The following DNMT3L variants were observed in gnomAD, a reference collection of about 807,000 sequenced individuals.
DNMT3L encodes the protein DNA (cytosine-5)-methyltransferase 3-like.
DNMT3L carries 33 observed loss-of-function variants against 36.2 expected under a neutral mutation model. The ratio of observed to expected loss-of-function variants is 0.91; its 90% CI spans 0.69 to 1.22. DNMT3L has a LOEUF of 1.22. Among genes scored for constraint, DNMT3L ranks in the 50% most tolerant of loss-of-function variants. The pLI, the probability that DNMT3L is intolerant of heterozygous loss-of-function variation, is 0.00. For missense variants in DNMT3L, 310 were observed against 303.1 expected, an observed-to-expected ratio of 1.02 and a Z score of -0.17; for synonymous variants, 117 against 121.7, an observed-to-expected ratio of 0.96 and a Z score of 0.26.
rs116924478 is a variant in DNMT3L at position 44,255,662 on chromosome 21, G to A, written c.604+405C>T. ...CTGGAACGGCCCTGGAGGAGGCCCT[G>A]GCTTTCTCAGCCCCTCCTGGGCAGC... On this transcript the variant is annotated intron_variant, in intron 7 of 11. Transcript: ENST00000628202. Among the ~76,000 whole-genome samples, 46 of 152,302 alleles carry A rather than the reference G, an allele frequency of 3.0e-4. 1 individual carries two copies. The East Asian group carries it at 7.7e-3, about 26-fold the overall frequency.
intron 8 of DNMT3L, among the ~76,000 whole-genome samples, chr21:44,253,634 G>A (rs538912530): frequency 2.0e-5 from 3 of 152,080 alleles, no homozygotes; most frequent in Non-Finnish European, 4.4e-5. Context: ...CAGGAGACTC[G>A]CCTGAACCCT....
At chr21:44,257,902 C>T (rs2146357754) in intron 6 of DNMT3L, among the ~76,000 whole-genome samples, 1 of 152,282 alleles carries the variant, frequency 6.6e-6, no homozygotes, top group African/African-American at 2.4e-5. Context: ...GTGGACACCT[C>T]ACTCCAGTCT....
intron 8 of DNMT3L, among the ~76,000 whole-genome samples, chr21:44,253,333 C>T (rs1292936328): frequency 7.6e-6 from 1 of 130,914 alleles, no homozygotes; most frequent in Non-Finnish European, 1.6e-5. Context: ...TGAACACATG[C>T]CCTTCAGTCA....
At chr21:44,257,056 G>C (rs2040265119) in intron 6 of DNMT3L, among the ~76,000 whole-genome samples, 1 of 152,176 alleles carries the variant, frequency 6.6e-6, no homozygotes, top group South Asian at 2.1e-4. Context: ...CCTTCTGTAG[G>C]AGCTTCCCGT....
At chr21:44,260,634 T>C (rs1029131440) in intron 3 of DNMT3L, among the ~76,000 whole-genome samples, 161 bp downstream of exon 3, 28 of 152,134 alleles carry the variant, frequency 1.8e-4, no homozygotes, top group African/African-American at 6.8e-4. Context: ...TATTTTTATT[T>C]TTTTGTAGAG....
chr21:44,261,145 A>G lies in DNMT3L; in HGVS notation c.106+9T>C. On this transcript the variant is annotated intron_variant, in intron 2 of 11. Coordinates refer to ENST00000628202, the MANE Select transcript of DNMT3L (RefSeq NM_175867.3). ...AAGTGACTGGTCCAATAAGCAGATG[A>G]GCCCTCACCTCTGCCTGTCCCGGGT... The G allele has an allele frequency of 4.3e-6, 7 of 1,611,896 alleles. No individual in the cohort carries two copies. Among genetic ancestry groups the G allele is most frequent in the Non-Finnish European group, 5.9e-6 (7 of 1,179,226 alleles).
intron 5 of DNMT3L, 26 bp downstream of exon 5, chr21:44,259,411 C>A (rs368079595): frequency 5.6e-6 from 9 of 1,610,884 alleles, no homozygotes; most frequent in African/African-American, 1.3e-5. Context: ...GCCCCTTCAC[C>A]CCCCTGGGCA....
At chr21:44,255,067 T>A (rs56354854) in intron 7 of DNMT3L, among the ~76,000 whole-genome samples, 112,644 of 151,750 alleles carry the variant, frequency 0.74, 42,919 homozygotes, top group African/African-American at 0.93. Flanking sequence ...ACCTCAAATG[T>A]TCCGCCCACT....
chr21:44,256,518 G>C (rs750092798), intron 6 of DNMT3L, among the ~76,000 whole-genome samples: 1 of 147,382 alleles, frequency 6.8e-6, no homozygotes, highest in East Asian at 2.1e-4. Flanking sequence ...TCCGCCTCCC[G>C]GGTTCAAGCG....
At chr21:44,256,011 A>G in intron 7 of DNMT3L, 56 bp downstream of exon 7, 1 of 1,582,424 alleles carries the variant, frequency 6.3e-7, no homozygotes, top group Non-Finnish European at 8.7e-7. Context: ...CCTGAGGGGC[A>G]GTCAGGTGTT....
chr21:44,256,853 G>A (rs1422458528), intron 6 of DNMT3L, among the ~76,000 whole-genome samples: 1 of 152,230 alleles, frequency 6.6e-6, no homozygotes, highest in African/African-American at 2.4e-5. Flanking sequence ...GGCTTTCAGA[G>A]TGCTAGGCTC....
At position 44,261,218 on chromosome 21, in the gene DNMT3L, G is replaced by T. The variant is rs757536808; in HGVS notation, c.42C>A (p.Ser14Arg). 1 of 1,612,706 alleles carries T rather than the reference G, an allele frequency of 6.2e-7. No homozygotes were observed. Among genetic ancestry groups the T allele is most frequent in the South Asian group, 1.1e-5 (1 of 91,084 alleles). ...TGGATCCCACCAAAATCACGTCCAT[G>T]CTGGGCTCGGCCTCTGGGTCCAGGG... ...IPALDPEAEPSMDVILVGSSE... is the reference protein window; with the variant it reads ...IPALDPEAEPRMDVILVGSSE... Residue 14 changes from serine (S) to arginine (R), a missense_variant, in exon 2 of 12, where the codon AGC (serine) becomes AGA (arginine). Coordinates refer to ENST00000628202, the MANE Select transcript of DNMT3L (RefSeq NM_175867.3).
At chr21:44,260,931 C>G in intron 2 of DNMT3L, 92 bp from the exon 3 acceptor site, 1 of 1,594,866 alleles carries the variant, frequency 6.3e-7, no homozygotes, top group Non-Finnish European at 8.6e-7. Flanking sequence ...ATTCGTTTTC[C>G]AAAGTCACAG....
chr21:44,259,014 C>G (rs1057480898), intron 5 of DNMT3L, among the ~76,000 whole-genome samples: 11 of 152,106 alleles, frequency 7.2e-5, no homozygotes, highest in Non-Finnish European at 1.0e-4. Context: ...CCAAATGTAG[C>G]AACAGCAGCT....
chr21:44,257,644 G>A lies in DNMT3L; in HGVS notation c.516+879C>T, dbSNP rs1311729380. ...TGCAGTGAGCCGAGATCCCGCCACT[G>A]CACTCCAGCCTGGGCGACAGAGCGA... On this transcript the variant is annotated intron_variant, in intron 6 of 11. Transcript: ENST00000628202. 5.5e-5 allele frequency among the ~76,000 whole-genome samples: 8 copies of A among 144,358 alleles called. No individual in the cohort carries two copies. The East Asian group carries it at 1.6e-3, about 29-fold the overall frequency. The allele number at this position is 144,358 out of a possible 152,430, so 94.7% of individuals were successfully genotyped here. A position where few individuals can be genotyped will look rare whatever the true frequency, so the allele number is the denominator to read the frequency against.
At chr21:44,261,338 C>T (rs2040317242) in intron 1 of DNMT3L, 72 bp from the exon 2 acceptor site, 8 of 1,431,464 alleles carry the variant, frequency 5.6e-6, no homozygotes, top group Non-Finnish European at 7.7e-6. Flanking sequence ...TGCACCCCAG[C>T]ACGGGAAGCA....
intron 8 of DNMT3L, among the ~76,000 whole-genome samples, chr21:44,253,270 ATTCCATGGCCGAGCT>A (rs1237815376): frequency 2.0e-5 from 2 of 99,806 alleles, no homozygotes; most frequent in Non-Finnish European, 4.0e-5. Context: ...CCCACAGGCT[ATTCCATGGCCGAGCT>A]GGAAGAAGAC....
intron 1 of DNMT3L, among the ~76,000 whole-genome samples, 163 bp downstream of exon 1, chr21:44,261,577 C>A (rs2146360883): frequency 6.6e-6 from 1 of 152,316 alleles, no homozygotes; most frequent in East Asian, 1.9e-4. Context: ...CCAATGGCCG[C>A]TGCAGCCCCT....
chr21:44,253,291 A>T (rs1304164381), intron 8 of DNMT3L, among the ~76,000 whole-genome samples: 1 of 114,208 alleles, frequency 8.8e-6, no homozygotes, highest in Non-Finnish European at 1.8e-5. Flanking sequence ...GAGCTGGAAG[A>T]AGACAAAACA....
Sources: gnomAD v4.1 joint callset for allele counts (sites outside exome capture counted in the v4.1 genomes callset) on GRCh38, gnomAD v4.1.1 for gene constraint, MANE v1.5 for transcripts, NCBI Gene and HGNC (gene_info 2026-07-23, HGNC 2026-07-21) for gene names.